The following MGMT variants were observed in gnomAD, a reference collection of about 807,000 sequenced individuals.
MGMT encodes the protein methylated-DNA--protein-cysteine methyltransferase.
MGMT carries 14 observed loss-of-function variants against 15.9 expected under a neutral mutation model. That is an observed-to-expected ratio of 0.88 (90% confidence interval 0.58 to 1.37). The LOEUF (loss-of-function observed/expected upper bound fraction) is 1.37, where lower values mean the gene tolerates loss of function less well. Among genes scored for constraint, MGMT ranks in the 40% most tolerant of loss-of-function variants. The probability of loss-of-function intolerance (pLI) is 0.00; values close to 1 mark genes in which losing one functional copy is unlikely to be tolerated. For synonymous variants in MGMT, 130 were observed against 118.2 expected, an observed-to-expected ratio of 1.10 and a Z score of -0.65; for missense variants, 282 against 268.1, an observed-to-expected ratio of 1.05 and a Z score of -0.36.
chr10:129,687,918 G>A (rs190180295), intron 2 of MGMT, among the ~76,000 whole-genome samples: 22 of 151,340 alleles, frequency 1.5e-4, no homozygotes, highest in African/African-American at 4.1e-4. Flanking sequence ...TCATTGTTCA[G>A]TTCCCACCTA....
Position 129,614,484 on chromosome 10 carries a change from G to T in MGMT, c.125+78107G>T, listed in dbSNP as rs141959529. Among the ~76,000 whole-genome samples, 622 of 150,126 alleles carry T rather than the reference G, an allele frequency of 4.1e-3. 12 individuals are homozygous for T. The highest frequency in any genetic ancestry group is 6.1e-3 in the Non-Finnish European group (414 of 67,580). On this transcript the variant is annotated intron_variant, in intron 2 of 4. Transcript: ENST00000651593. ...TCTTTGTGTGAGACTGTCAGAGTGTGTTCCTGGCCCTGACACGTGCTCGGC... is the reference window on the plus strand; with the variant it reads ...TCTTTGTGTGAGACTGTCAGAGTGTTTTCCTGGCCCTGACACGTGCTCGGC...
At chr10:129,664,162 G>A (rs1029434398) in intron 2 of MGMT, among the ~76,000 whole-genome samples, 2 of 152,082 alleles carry the variant, frequency 1.3e-5, no homozygotes, top group Admixed American at 6.5e-5. Context: ...TTGGTATTAG[G>A]AAATCTGTTC....
chr10:129,522,045 G>T lies in MGMT; in HGVS notation c.-12-14196G>T, dbSNP rs371129849. 3.1e-4 allele frequency among the ~76,000 whole-genome samples: 39 copies of T among 125,356 alleles called. 1 individual carries two copies. In the South Asian group the frequency reaches 3.3e-3, roughly 11 times the overall value. The allele number at this position is 125,356 out of a possible 152,430, so 82.2% of individuals were successfully genotyped here. A position where few individuals can be genotyped will look rare whatever the true frequency, so the allele number is the denominator to read the frequency against. Reference sequence around the variant, plus strand: ...CCCTGTGTGCTGAACTGAGCTGCTGGGACTTAATGCACACAGAACCACAGA... The same window carrying T: ...CCCTGTGTGCTGAACTGAGCTGCTGTGACTTAATGCACACAGAACCACAGA... On this transcript the variant is annotated intron_variant, in intron 1 of 4. Transcript: ENST00000651593.
In MGMT at chr10:129,474,019, G is replaced by A. The variant is rs531085749; in HGVS notation, c.-13+6723G>A. On this transcript the variant is annotated intron_variant, in intron 1 of 4. Coordinates refer to ENST00000651593, the MANE Select transcript of MGMT (RefSeq NM_002412.5). The stretch of plus-strand genomic sequence containing the variant: ...AACATTTGCGGGACTGTGGCTACCG[G>A]TCAGGTTTCTCCAAGTGGCCCAAGG... Among the ~76,000 whole-genome samples the A allele has an allele frequency of 1.8e-3, 268 of 152,344 alleles. 1 individual carries two copies. Among genetic ancestry groups the A allele is most frequent in the African/African-American group, 6.1e-3 (255 of 41,582 alleles).
chr10:129,536,962 T>C (rs1845991645), intron 2 of MGMT: 1 of 152,216 alleles, frequency 6.6e-6, no homozygotes, highest in African/African-American at 2.4e-5. Context: ...AGCATGACTT[T>C]AAGTTCTTGT....
chr10:129,539,394 C>T (rs913216866), intron 2 of MGMT, among the ~76,000 whole-genome samples: 1 of 152,070 alleles, frequency 6.6e-6, no homozygotes, highest in Non-Finnish European at 1.5e-5. Context: ...ATCAGTTGAC[C>T]AAGGGTGTGT....
intron 2 of MGMT, among the ~76,000 whole-genome samples, chr10:129,673,659 A>G (rs897191359): frequency 6.6e-6 from 1 of 152,138 alleles, no homozygotes; most frequent in Non-Finnish European, 1.5e-5. Flanking sequence ...CAGGGGTTGC[A>G]AGTTCTCCTG....
chr10:129,492,506 T>C (rs1303520209), intron 1 of MGMT, among the ~76,000 whole-genome samples: 2 of 152,234 alleles, frequency 1.3e-5, no homozygotes, highest in Non-Finnish European at 2.9e-5. Context: ...GACCCAGCTC[T>C]CTAGGCTCAT....
intron 2 of MGMT, among the ~76,000 whole-genome samples, chr10:129,584,986 C>T (rs1441631563): frequency 2.0e-5 from 3 of 152,094 alleles, no homozygotes; most frequent in African/African-American, 4.8e-5. Flanking sequence ...CACACACACA[C>T]GTAGGCCTAG....
intron 2 of MGMT, among the ~76,000 whole-genome samples, chr10:129,625,692 C>G (rs907532610): frequency 6.6e-6 from 1 of 151,916 alleles, no homozygotes; most frequent in Non-Finnish European, 1.5e-5. Context: ...AAAGGAAATT[C>G]TCTTACATGA....
At position 129,625,075 on chromosome 10, in the gene MGMT, A is replaced by T. The variant is rs549068088; in HGVS notation, c.126-82820A>T. On this transcript the variant is annotated intron_variant, in intron 2 of 4. Coordinates refer to ENST00000651593, the MANE Select transcript of MGMT (RefSeq NM_002412.5). ...CAAATAATATAAATGAAAAGGAAAG[A>T]TCACTACAGAATCTACAAATATTCA... Among the ~76,000 whole-genome samples, 7 of 152,324 alleles carry T rather than the reference A, an allele frequency of 4.6e-5. No individual in the cohort carries two copies. The South Asian group carries it at 1.4e-3, about 32-fold the overall frequency.
intron 2 of MGMT, among the ~76,000 whole-genome samples, chr10:129,703,916 G>C (rs1848127948): frequency 6.6e-6 from 1 of 152,076 alleles, no homozygotes; most frequent in Non-Finnish European, 1.5e-5. Flanking sequence ...GGGGCACATG[G>C]GCCCCATCAC....
chr10:129,725,154 G>A (rs1354633480), intron 3 of MGMT, among the ~76,000 whole-genome samples: 1 of 152,234 alleles, frequency 6.6e-6, no homozygotes, highest in Non-Finnish European at 1.5e-5. Context: ...GGAGGTGAGT[G>A]TGGTGTCGCC....
At chr10:129,639,961 AAG>A (rs1189651060) in intron 2 of MGMT, among the ~76,000 whole-genome samples, 7 of 151,996 alleles carry the variant, frequency 4.6e-5, no homozygotes, top group Middle Eastern at 6.8e-3. Flanking sequence ...AAAAAAAAAA[AAG>A]AGAGTGAAGT....
chr10:129,694,326 A>G (rs1848005162), intron 2 of MGMT: 1 of 152,258 alleles, frequency 6.6e-6, no homozygotes, highest in Non-Finnish European at 1.5e-5. Flanking sequence ...CTGGAAATAA[A>G]TGCTGCATTG....
intron 4 of MGMT, among the ~76,000 whole-genome samples, chr10:129,759,925 G>A (rs535651853): frequency 7.4e-4 from 113 of 152,264 alleles, no homozygotes; most frequent in Non-Finnish European, 9.3e-4. Context: ...TAGACCACAC[G>A]CACCTCGTGT....
At chr10:129,599,084 G>A (rs888187712) in intron 2 of MGMT, among the ~76,000 whole-genome samples, 3 of 152,168 alleles carry the variant, frequency 2.0e-5, no homozygotes, top group Non-Finnish European at 2.9e-5. Flanking sequence ...TTCGCAAATC[G>A]AGCAGCCTCC....
At chr10:129,763,912 G>A (rs867066971) in intron 4 of MGMT, among the ~76,000 whole-genome samples, 9 of 152,218 alleles carry the variant, frequency 5.9e-5, no homozygotes, top group Admixed American at 1.3e-4. Flanking sequence ...TCAGCCCTCC[G>A]CCACCTGCAT....
chr10:129,511,795 CT>C (rs1252101128), intron 1 of MGMT, among the ~76,000 whole-genome samples: 1 of 152,172 alleles, frequency 6.6e-6, no homozygotes. Context: ...TAGAGCCCCC[CT>C]ATGCAAAGTG....
Sources: allele counts gnomAD v4.1 joint callset (sites outside exome capture counted in the v4.1 genomes callset), GRCh38; gene constraint gnomAD v4.1.1; transcripts MANE v1.5; gene names NCBI Gene and HGNC (gene_info 2026-07-23, HGNC 2026-07-21).